The following TPD52 variants were observed in gnomAD, a reference collection of about 807,000 sequenced individuals.
The protein encoded by TPD52 is tumor protein D52.
TPD52 carries 17 observed loss-of-function variants against 31.3 expected under a neutral mutation model. The ratio of observed to expected loss-of-function variants is 0.54; its 90% CI spans 0.37 to 0.82. TPD52 has a LOEUF of 0.82. TPD52 is among the 40% of genes least tolerant of loss of function. TPD52 has a pLI of 0.00. For missense variants in TPD52, 212 were observed against 240.1 expected, an observed-to-expected ratio of 0.88 and a Z score of 0.77; for synonymous variants, 83 against 89.6, an observed-to-expected ratio of 0.93 and a Z score of 0.42.
At chr8:80,084,731 G>A (rs1450194027) in intron 1 of TPD52, among the ~76,000 whole-genome samples, 1 of 152,126 alleles carries the variant, frequency 6.6e-6, no homozygotes, top group African/African-American at 2.4e-5. Context: ...CCATGCTTTA[G>A]CCAAACTTGA....
chr8:80,058,011 C>T (rs75912614), intron 2 of TPD52, among the ~76,000 whole-genome samples: 1 of 152,100 alleles, frequency 6.6e-6, no homozygotes, highest in South Asian at 2.1e-4. Flanking sequence ...TGAAATAATG[C>T]ATGTAAAGAG....
intron 1 of TPD52, among the ~76,000 whole-genome samples, chr8:80,128,883 G>T (rs59099885): frequency 6.2e-5 from 9 of 145,218 alleles, no homozygotes; most frequent in African/African-American, 9.9e-5. Flanking sequence ...TTACATCTGG[G>T]TTTTTTTTTT....
At chr8:80,041,470 A>G (rs899988751) in intron 7 of TPD52, among the ~76,000 whole-genome samples, 8 of 152,196 alleles carry the variant, frequency 5.3e-5, no homozygotes, top group African/African-American at 1.7e-4. Context: ...CTTAAAATAT[A>G]TCCCCTATAA....
At chr8:80,136,144 T>A (rs1265390791) in intron 1 of TPD52, among the ~76,000 whole-genome samples, 23 of 111,022 alleles carry the variant, frequency 2.1e-4, no homozygotes, top group African/African-American at 7.4e-4. Flanking sequence ...AAAAATAAAT[T>A]AATTAATTAA....
At position 80,072,738 on chromosome 8, in the gene TPD52, TAC is replaced by T. The variant is rs201149393; in HGVS notation, c.20-8147_20-8146del. Among the ~76,000 whole-genome samples the T allele has an allele frequency of 3.9e-3, 553 of 143,062 alleles. 41 individuals carry two copies. The highest frequency in any genetic ancestry group is 0.016 in the African/African-American group (522 of 33,114). The allele number at this position is 143,062 out of a possible 152,430, so 93.9% of individuals were successfully genotyped here. A position where few individuals can be genotyped will look rare whatever the true frequency, so the allele number is the denominator to read the frequency against. ...ATACGCACACATATATACATATATA[TAC>T]ACACACATATATACATATATACACA... On this transcript the variant is annotated intron_variant, in intron 1 of 7. Transcript: ENST00000518937.
At chr8:80,159,545 C>T (rs891046599) in intron 1 of TPD52, among the ~76,000 whole-genome samples, 1 of 152,176 alleles carries the variant, frequency 6.6e-6, no homozygotes, top group African/African-American at 2.4e-5. Flanking sequence ...CCTGTCTGCG[C>T]CAAGCTGTGT....
chr8:80,169,974 G>A (rs951923331), intron 1 of TPD52, among the ~76,000 whole-genome samples: 2 of 152,104 alleles, frequency 1.3e-5, no homozygotes, highest in African/African-American at 2.4e-5. Flanking sequence ...TACAGGTAAT[G>A]TATAATATAT....
chr8:80,163,578 C>T (rs1308387670), intron 1 of TPD52, among the ~76,000 whole-genome samples: 2 of 152,124 alleles, frequency 1.3e-5, no homozygotes, highest in Non-Finnish European at 2.9e-5. Flanking sequence ...CACTATCGTA[C>T]TGTACATTTA....
At chr8:80,096,317 CAA>C (rs370910348) in intron 1 of TPD52, among the ~76,000 whole-genome samples, 10 of 147,480 alleles carry the variant, frequency 6.8e-5, no homozygotes, top group Non-Finnish European at 1.5e-4. Context: ...CACACACACA[CAA>C]ACTTCTCCTA....
chr8:80,099,452 A>G (rs1037419977), intron 1 of TPD52, among the ~76,000 whole-genome samples: 2 of 152,208 alleles, frequency 1.3e-5, no homozygotes, highest in African/African-American at 4.8e-5. Context: ...TACCATCTGC[A>G]AAGAACCTTC....
intron 3 of TPD52, 115 bp downstream of exon 3, chr8:80,053,167 G>T: frequency 1.7e-6 from 2 of 1,208,808 alleles, no homozygotes; most frequent in South Asian, 2.0e-5. Flanking sequence ...GTGCCGTGTC[G>T]TCCAAAGAAA....
Position 80,054,782 on chromosome 8 carries a change from CT to C in TPD52, c.136-1353del, listed in dbSNP as rs376192790. 3.1e-4 allele frequency among the ~76,000 whole-genome samples: 47 copies of C among 151,854 alleles called. No homozygotes were observed. In the East Asian group the frequency reaches 8.3e-3, roughly 27 times the overall value. On this transcript the variant is annotated intron_variant, in intron 2 of 7. Transcript: ENST00000518937. ...AGAAGAAAAAGAACCTACAACACCA[CT>C]CTCAGATAAGATTAACTGGAACAGA...
intron 1 of TPD52, chr8:80,159,036 T>C (rs760198339): frequency 6.6e-6 from 1 of 151,818 alleles, no homozygotes; most frequent in Non-Finnish European, 1.5e-5. Context: ...TTGAGCACTA[T>C]GTCCAATATC....
chr8:80,126,794 A>G (rs976418123), intron 1 of TPD52, among the ~76,000 whole-genome samples: 2 of 152,088 alleles, frequency 1.3e-5, no homozygotes, highest in African/African-American at 4.8e-5. Flanking sequence ...AAAGTTTATA[A>G]TTTTGATTTT....
intron 1 of TPD52, among the ~76,000 whole-genome samples, chr8:80,073,505 T>C (rs938229271): frequency 3.4e-4 from 52 of 152,360 alleles, no homozygotes; most frequent in African/African-American, 1.1e-3. Context: ...CGGTCCAGTC[T>C]ATTGTATAGA....
At chr8:80,080,284 G>A in intron 1 of TPD52, 1 of 1,602,224 alleles carries the variant, frequency 6.2e-7, no homozygotes, top group African/African-American at 1.3e-5. Context: ...TTTATTCCAA[G>A]CAAACTTAAC....
At chr8:80,076,620 T>C (rs1249676064) in intron 1 of TPD52, among the ~76,000 whole-genome samples, 2 of 152,138 alleles carry the variant, frequency 1.3e-5, no homozygotes, top group East Asian at 3.9e-4. Context: ...CTATGACACA[T>C]GTTTACCCAT....
At chr8:80,080,241 T>G in intron 1 of TPD52, 1 of 1,422,032 alleles carries the variant, frequency 7.0e-7, no homozygotes, top group Non-Finnish European at 9.8e-7. Context: ...CTAACAATTT[T>G]AAAGCCAGGC....
Position 80,036,211 on chromosome 8 carries a change from A to G in TPD52, c.*1905T>C, listed in dbSNP as rs1283079195. On this transcript the variant is annotated 3_prime_UTR_variant, in exon 8 of 8. Transcript: ENST00000518937. ...AGACTTGAGGGTATTTCACTCATCT[A>G]AAGAAATTGCCACTTTACTCCATTT... 1.3e-5 allele frequency: 2 copies of G among 152,406 alleles called. No homozygotes were observed. The highest frequency in any genetic ancestry group is 6.5e-5 in the Admixed American group (1 of 15,282). 9.4% of individuals were successfully genotyped at this position (152,406 alleles called of 1,614,324 possible). A position where few individuals can be genotyped will look rare whatever the true frequency, so the allele number is the denominator to read the frequency against.
Sources: allele counts gnomAD v4.1 joint callset (sites outside exome capture counted in the v4.1 genomes callset), GRCh38; gene constraint gnomAD v4.1.1; transcripts MANE v1.5; gene names NCBI Gene and HGNC (gene_info 2026-07-23, HGNC 2026-07-21).